OXNAD1: variants seen among roughly 807,000 people sequenced by gnomAD.
OXNAD1 encodes the protein oxidoreductase NAD-binding domain-containing protein 1.
OXNAD1 carries 34 observed loss-of-function variants against 32.9 expected under a neutral mutation model. The observed-to-expected ratio is 1.03, with a 90% confidence interval of 0.79 to 1.38. OXNAD1 has a LOEUF of 1.38. Ranked by LOEUF, OXNAD1 falls within the 40% of genes most tolerant of loss-of-function variation. The probability of loss-of-function intolerance (pLI) is 0.00; values close to 1 mark genes in which losing one functional copy is unlikely to be tolerated. For missense variants in OXNAD1, 407 were observed against 379.4 expected, an observed-to-expected ratio of 1.07 and a Z score of -0.60; for synonymous variants, 134 against 135.2, an observed-to-expected ratio of 0.99 and a Z score of 0.06.
rs1479813928 is a variant in OXNAD1, at chr3:16,335,571, C to T, written c.*31-1541C>T. Among the ~76,000 whole-genome samples, 1 of 152,088 alleles carries T rather than the reference C, an allele frequency of 6.6e-6. No homozygotes were observed. Among genetic ancestry groups the T allele is most frequent in the Non-Finnish European group, 1.5e-5 (1 of 68,024 alleles). On this transcript the variant is annotated intron_variant, in intron 9 of 9. Transcript: ENST00000435829. The surrounding 1 kb of genome is among the most constrained non-coding windows in gnomAD (Gnocchi z 4.7). ...GTGGGAGAGCTGAACGGTGAAAACA[C>T]ATGTGAAAACACATGGACACATGGT...
chr3:16,286,921 C>A (rs919948825), intron 5 of OXNAD1, among the ~76,000 whole-genome samples: 1 of 152,162 alleles, frequency 6.6e-6, no homozygotes, highest in Non-Finnish European at 1.5e-5. Flanking sequence ...GGGCTCACTA[C>A]CCTCTTGACT....
At chr3:16,278,354 T>C (rs2065495694) in intron 4 of OXNAD1, among the ~76,000 whole-genome samples, 1 of 152,220 alleles carries the variant, frequency 6.6e-6, no homozygotes, top group Non-Finnish European at 1.5e-5. Flanking sequence ...CCTTTTTGTT[T>C]ACAAAGCACC....
chr3:16,303,658 G>C lies in OXNAD1; in HGVS notation c.*96G>C. The C allele has an allele frequency of 7.6e-7, 1 of 1,322,412 alleles. No individual in the cohort carries two copies. The highest frequency in any genetic ancestry group is 2.6e-5 in the East Asian group (1 of 38,612). 81.9% of individuals were successfully genotyped at this position (1,322,412 alleles called of 1,614,324 possible). A position where few individuals can be genotyped will look rare whatever the true frequency, so the allele number is the denominator to read the frequency against. ...ATTAATTTTTTTTATCTCTACTTGA[G>C]TTGTCTTATTTTTTAAGGCTATAAA... On this transcript the variant is annotated 3_prime_UTR_variant, in exon 9 of 9. Coordinates refer to ENST00000285083, the MANE Select transcript of OXNAD1 (RefSeq NM_138381.5). This position sits in a 1 kb window ranked among gnomAD's most constrained non-coding sequence, Gnocchi z 4.8.
chr3:16,273,648 C>T (rs2065120070), intron 4 of OXNAD1, among the ~76,000 whole-genome samples: 1 of 152,134 alleles, frequency 6.6e-6, no homozygotes. Flanking sequence ...TTTGGCCTCC[C>T]AAAGTGCTGG....
At chr3:16,274,709 A>G (rs571253874) in intron 4 of OXNAD1, among the ~76,000 whole-genome samples, 2 of 152,348 alleles carry the variant, frequency 1.3e-5, no homozygotes, top group East Asian at 1.9e-4. Flanking sequence ...CCCAAGCCAT[A>G]TATGCCAGTG....
rs1005329788 is a variant in OXNAD1, at chr3:16,320,955, A to G, written c.*31-16157A>G. On this transcript the variant is annotated intron_variant, in intron 9 of 9. Transcript: ENST00000435829. The surrounding 1 kb of genome is among the most constrained non-coding windows in gnomAD (Gnocchi z 4.5). Reference sequence around the variant, plus strand: ...GGCTCTGAATAGGGAACCTATTTGAAGGGGATATCTATTATTAGGAGATTA... The same window carrying G: ...GGCTCTGAATAGGGAACCTATTTGAGGGGGATATCTATTATTAGGAGATTA... Among the ~76,000 whole-genome samples the G allele has an allele frequency of 3.9e-5, 6 of 152,238 alleles. No homozygotes were observed. The highest frequency in any genetic ancestry group is 3.9e-4 in the Admixed American group (6 of 15,286).
Position 16,284,578 on chromosome 3 carries a change from T to C in OXNAD1, c.184-1764T>C, listed in dbSNP as rs952598004. On this transcript the variant is annotated intron_variant, in intron 4 of 8. Transcript: ENST00000285083. This position sits in a 1 kb window ranked among gnomAD's most constrained non-coding sequence, Gnocchi z 4.1. ...TGGTATTATGGGATCACCTTGTATATGTGCTTTGTCGTTGACCAAAATGTC... is the reference window on the plus strand; with the variant it reads ...TGGTATTATGGGATCACCTTGTATACGTGCTTTGTCGTTGACCAAAATGTC... 6.6e-5 allele frequency among the ~76,000 whole-genome samples: 10 copies of C among 152,258 alleles called. No homozygotes were observed. The highest frequency in any genetic ancestry group is 2.4e-4 in the African/African-American group (10 of 41,478).
At chr3:16,328,214 C>T (rs1220077238) in intron 9 of OXNAD1, among the ~76,000 whole-genome samples, 1 of 152,210 alleles carries the variant, frequency 6.6e-6, no homozygotes, top group Non-Finnish European at 1.5e-5. Flanking sequence ...GAGATCCCAG[C>T]CACAGTCAAA....
intron 9 of OXNAD1, among the ~76,000 whole-genome samples, chr3:16,319,480 A>G (rs1292770510): frequency 6.6e-6 from 1 of 152,210 alleles, no homozygotes; most frequent in Non-Finnish European, 1.5e-5. Flanking sequence ...GCACACCTCC[A>G]GGGCCCCATT....
intron 9 of OXNAD1, chr3:16,323,320 C>A: frequency 7.6e-7 from 1 of 1,308,120 alleles, no homozygotes; most frequent in East Asian, 2.3e-5. Flanking sequence ...GCAGAAAATC[C>A]ACTGAAGATG....
chr3:16,293,160 G>C (rs1316453031), intron 5 of OXNAD1, among the ~76,000 whole-genome samples: 1 of 152,170 alleles, frequency 6.6e-6, no homozygotes, highest in Non-Finnish European at 1.5e-5. Flanking sequence ...CATGAACATG[G>C]AATATGCTTC....
chr3:16,302,695 A>G lies in OXNAD1; in HGVS notation c.731A>G (p.His244Arg), dbSNP rs2067274648. Residue 244 changes from histidine to arginine, a missense_variant, in exon 8 of 9, where the codon CAT becomes CGT. By Grantham distance (29) the His-to-Arg change is conservative. Coordinates refer to ENST00000285083, the MANE Select transcript of OXNAD1 (RefSeq NM_138381.5). This position sits in a 1 kb window ranked among gnomAD's most constrained non-coding sequence, Gnocchi z 4.2. Reference protein sequence around the residue: ...EFPEKIACSLHVTKQTTQINA... With the variant: ...EFPEKIACSLRVTKQTTQINA... ...CCTGAGAAGATTGCATGCAGTTTGC[A>G]TGTTACAAAACAGACTACACAAATC... is the stretch of plus-strand genomic sequence containing the variant. The G allele has an allele frequency of 7.4e-6, 12 of 1,613,702 alleles. No homozygotes were observed. The East Asian group carries it at 2.7e-4, about 36-fold the overall frequency.
chr3:16,339,731 C>G (rs901654785), downstream of OXNAD1: 33 of 152,198 alleles, frequency 2.2e-4, no homozygotes, highest in Admixed American at 2.1e-3. Flanking sequence ...CTTGGTGCTT[C>G]GTTTTTCTGC....
chr3:16,291,696 G>A (rs929879306), intron 5 of OXNAD1, among the ~76,000 whole-genome samples: 1 of 152,202 alleles, frequency 6.6e-6, no homozygotes, highest in African/African-American at 2.4e-5. Flanking sequence ...ATGCTGCCAT[G>A]AACATTCATG....
In OXNAD1 at chr3:16,322,030, G is replaced by A. The variant is rs951483337; in HGVS notation, c.*31-15082G>A. Among the ~76,000 whole-genome samples, 1 of 152,244 alleles carries A rather than the reference G, an allele frequency of 6.6e-6. No homozygotes were observed. The highest frequency in any genetic ancestry group is 2.4e-5 in the African/African-American group (1 of 41,464). ...CTCTGTAAGGCTGCAGCGGGTGTCT[G>A]TCAGCATCTGACAGGGGCCCTTTGC... On this transcript the variant is annotated intron_variant, in intron 9 of 9. Transcript: ENST00000435829. The surrounding 1 kb of genome is among the most constrained non-coding windows in gnomAD (Gnocchi z 6.2).
At chr3:16,319,061 G>C (rs944857442) in intron 9 of OXNAD1, among the ~76,000 whole-genome samples, 1 of 152,198 alleles carries the variant, frequency 6.6e-6, no homozygotes, top group African/African-American at 2.4e-5. Flanking sequence ...ACCGTGTTAT[G>C]GTTCGTAACT....
In OXNAD1 at chr3:16,303,539, A is replaced by G. The variant is rs1575156383; in HGVS notation, c.916A>G (p.Ile306Val). 1 of 1,613,946 alleles carries G rather than the reference A, an allele frequency of 6.2e-7. No homozygotes were observed. Among genetic ancestry groups the G allele is most frequent in the Non-Finnish European group, 8.5e-7 (1 of 1,179,892 alleles). ...AAACAACCATGTACCCAAAGAACAC[A>G]TTTGCTTTGAGAAGTGGTGGTAGGA... Reference protein sequence around the residue: ...LENNHVPKEHICFEKWW With the variant: ...LENNHVPKEHVCFEKWW Residue 306 changes from isoleucine (I) to valine (V), a missense_variant, in exon 9 of 9, where the codon ATT (isoleucine) becomes GTT (valine). Coordinates refer to ENST00000285083, the MANE Select transcript of OXNAD1 (RefSeq NM_138381.5). This position sits in a 1 kb window ranked among gnomAD's most constrained non-coding sequence, Gnocchi z 4.8.
Position 16,301,026 on chromosome 3 carries a change from G to A in OXNAD1, c.433-600G>A, listed in dbSNP as rs1244742766. ...GTGCTTTATCTAGATAGGTCTATGT[G>A]ATACTCCCTAGTATGAAGCCTCTGG... is the stretch of plus-strand genomic sequence containing the variant. On this transcript the variant is annotated intron_variant, in intron 6 of 8. Coordinates refer to ENST00000285083, the MANE Select transcript of OXNAD1 (RefSeq NM_138381.5). The surrounding 1 kb of genome is among the most constrained non-coding windows in gnomAD (Gnocchi z 4.1). 6.6e-6 allele frequency among the ~76,000 whole-genome samples: 1 copy of A among 152,156 alleles called. No homozygotes were observed. The highest frequency in any genetic ancestry group is 1.5e-5 in the Non-Finnish European group (1 of 68,028).
chr3:16,269,970 A>G (rs989367093), intron 2 of OXNAD1, among the ~76,000 whole-genome samples: 1 of 152,202 alleles, frequency 6.6e-6, no homozygotes, highest in African/African-American at 2.4e-5. Flanking sequence ...CCAAAAAGAA[A>G]TATCATCTGA....
Sources: allele counts gnomAD v4.1 joint callset (sites outside exome capture counted in the v4.1 genomes callset), GRCh38; gene constraint gnomAD v4.1.1; non-coding constraint Gnocchi (gnomAD v3.1); transcripts MANE v1.5; gene names NCBI Gene and HGNC (gene_info 2026-07-23, HGNC 2026-07-21).